Variants in RILPL2 observed in about 807,000 individuals in gnomAD.
RILPL2 encodes the protein RILP-like protein 2.
RILPL2 carries 19 observed loss-of-function variants against 22.2 expected under a neutral mutation model. The observed-to-expected ratio is 0.86, with a 90% CI of 0.60 to 1.25. The LOEUF is 1.25. Ranked by LOEUF, RILPL2 falls within the 50% of genes most tolerant of loss-of-function variation. RILPL2 has a pLI of 0.00. For synonymous variants in RILPL2, 123 were observed against 111.6 expected, an observed-to-expected ratio of 1.10 and a Z score of -0.64; for missense variants, 243 against 263.6, an observed-to-expected ratio of 0.92 and a Z score of 0.54.
chr12:123,416,850 G>A (rs1879131844), intron 3 of RILPL2, among the ~76,000 whole-genome samples: 1 of 152,144 alleles, frequency 6.6e-6, no homozygotes. Context: ...TCCCGTAGAA[G>A]GACGCTGAAA....
downstream of RILPL2, chr12:123,412,705 A>G (rs928776835): frequency 1.3e-5 from 2 of 152,200 alleles, no homozygotes; most frequent in Non-Finnish European, 2.9e-5. Context: ...CCATCCCACA[A>G]AAGTATGTGA....
At chr12:123,429,334 C>T (rs753163704) in intron 2 of RILPL2, among the ~76,000 whole-genome samples, 10 of 152,090 alleles carry the variant, frequency 6.6e-5, no homozygotes, top group Middle Eastern at 3.2e-3. Flanking sequence ...TTTGCTCTTT[C>T]GCCCAGGCTG....
At chr12:123,424,945 C>G (rs1234972566) in intron 2 of RILPL2, among the ~76,000 whole-genome samples, 1 of 151,208 alleles carries the variant, frequency 6.6e-6, no homozygotes, top group South Asian at 2.1e-4. Flanking sequence ...GGTGGCGCTA[C>G]CTTGGCTCAC....
At chr12:123,428,282 G>T (rs554536019) in intron 2 of RILPL2, among the ~76,000 whole-genome samples, 1 of 151,996 alleles carries the variant, frequency 6.6e-6, no homozygotes, top group Admixed American at 6.6e-5. Context: ...GACTACAGGC[G>T]CCCGCCACCA....
chr12:123,424,774 C>T (rs891958224), intron 2 of RILPL2, among the ~76,000 whole-genome samples: 20 of 152,174 alleles, frequency 1.3e-4, no homozygotes, highest in Admixed American at 7.2e-4. Context: ...TCCACTTAAG[C>T]GTTTTGTTGC....
At chr12:123,429,135 CTTT>C (rs888207491) in intron 2 of RILPL2, among the ~76,000 whole-genome samples, 1 of 151,880 alleles carries the variant, frequency 6.6e-6, no homozygotes, top group East Asian at 1.9e-4. Context: ...CCACTGCAGT[CTTT>C]TTTAACTTTC....
intron 3 of RILPL2, among the ~76,000 whole-genome samples, chr12:123,416,411 AG>A (rs1879120701): frequency 6.6e-6 from 1 of 152,084 alleles, no homozygotes; most frequent in East Asian, 1.9e-4. Flanking sequence ...AGACGGAGGC[AG>A]GCAGATCATG....
At chr12:123,420,022 C>CTTT (rs35616705) in intron 3 of RILPL2, among the ~76,000 whole-genome samples, 14 of 57,490 alleles carry the variant, frequency 2.4e-4, no homozygotes, top group African/African-American at 4.1e-4. Flanking sequence ...GACGGGGTTT[C>CTTT]TTTTTTTTTT....
chr12:123,429,819 C>G (rs1879564845), intron 2 of RILPL2, among the ~76,000 whole-genome samples: 1 of 151,532 alleles, frequency 6.6e-6, no homozygotes, highest in Admixed American at 6.6e-5. Context: ...TTCTCTTGAT[C>G]AAAACTTTCC....
At chr12:123,422,064 G>A (rs374337933) in intron 3 of RILPL2, among the ~76,000 whole-genome samples, 34 of 146,354 alleles carry the variant, frequency 2.3e-4, no homozygotes, top group African/African-American at 8.1e-4. Context: ...GTGCAGTAGC[G>A]TGATAATAGT....
intron 2 of RILPL2, among the ~76,000 whole-genome samples, chr12:123,424,982 C>T (rs1057487639): frequency 6.6e-6 from 1 of 151,712 alleles, no homozygotes; most frequent in African/African-American, 2.4e-5. Flanking sequence ...CGGGTTCACG[C>T]CATTCTCCTG....
chr12:123,424,670 T>C (rs958654985), intron 2 of RILPL2, among the ~76,000 whole-genome samples: 1 of 152,148 alleles, frequency 6.6e-6, no homozygotes, highest in Admixed American at 6.6e-5. Flanking sequence ...CTTTTGTGTT[T>C]AAGCTAGTTT....
chr12:123,423,266 A>G (rs574575092), intron 2 of RILPL2, 109 bp from the exon 3 acceptor site: 39 of 670,148 alleles, frequency 5.8e-5, no homozygotes, highest in Middle Eastern at 4.0e-4. Flanking sequence ...CAGTGGCGCC[A>G]TCTCAGCTCA....
chr12:123,422,937 A>T (rs980819248), intron 3 of RILPL2, 107 bp downstream of exon 3: 13 of 743,876 alleles, frequency 1.7e-5, no homozygotes, highest in East Asian at 1.2e-4. Flanking sequence ...CAACCGGGAG[A>T]GTAGAGGCCC....
the RILPL2 span, among the ~76,000 whole-genome samples, chr12:123,409,914 C>T: frequency 2.6e-5 from 4 of 151,824 alleles, no homozygotes; most frequent in East Asian, 1.9e-4. Flanking sequence ...TTAGTAGAGA[C>T]GGTCTTTCAC....
chr12:123,422,730 A>C (rs2139238794), intron 3 of RILPL2, among the ~76,000 whole-genome samples: 1 of 152,262 alleles, frequency 6.6e-6, no homozygotes, highest in African/African-American at 2.4e-5. Context: ...TCCTGACTTC[A>C]CTATTTACCC....
At position 123,430,174 on chromosome 12, in the gene RILPL2, C is replaced by T. The variant is rs1199893667; in HGVS notation, c.491+334G>A. On this transcript the variant is annotated intron_variant, in intron 2 of 3. Transcript: ENST00000280571. ...CCTGTAATCCCGGCACTTTGGGAGG[C>T]CAAGGTGGGCAGATCAGGAGGTCAG... Among the ~76,000 whole-genome samples the T allele has an allele frequency of 4.3e-5, 6 of 138,946 alleles. No individual in the cohort carries two copies. In the South Asian group the frequency reaches 1.2e-3, roughly 27 times the overall value. The allele number at this position is 138,946 out of a possible 152,430, so 91.2% of individuals were successfully genotyped here.
intron 2 of RILPL2, among the ~76,000 whole-genome samples, chr12:123,428,083 C>T (rs1206849274): frequency 6.6e-6 from 1 of 152,196 alleles, no homozygotes; most frequent in Non-Finnish European, 1.5e-5. Flanking sequence ...CTGCTCACGA[C>T]ACCAGCAGCT....
At chr12:123,422,034 G>A (rs1233531184) in intron 3 of RILPL2, among the ~76,000 whole-genome samples, 9 of 137,752 alleles carry the variant, frequency 6.5e-5, no homozygotes, top group South Asian at 2.3e-4. Flanking sequence ...ATAGGGTCAC[G>A]CTCTGTTACC....
Sources: allele counts gnomAD v4.1 joint callset (sites outside exome capture counted in the v4.1 genomes callset), GRCh38; gene constraint gnomAD v4.1.1; transcripts MANE v1.5; gene names NCBI Gene and HGNC (gene_info 2026-07-23, HGNC 2026-07-21).